TMEM200A: variants seen among roughly 807,000 people sequenced by gnomAD.
TMEM200A encodes transmembrane protein 200A, also known as two transmembrane C.
TMEM200A carries 12 observed loss-of-function variants against 24.3 expected under a neutral mutation model. The ratio of observed to expected loss-of-function variants is 0.49; its 90% CI spans 0.32 to 0.80. The LOEUF (loss-of-function observed/expected upper bound fraction) is 0.80. Ranked by LOEUF, TMEM200A falls within the 30% of genes least tolerant of loss-of-function variation. The pLI is 0.04. For synonymous variants in TMEM200A, 224 were observed against 224.4 expected (o/e 1.00, Z 0.02); for missense variants, 545 against 614.4 (o/e 0.89, Z 1.19).
chr6:130,435,012 A>G (rs753720425), intron 2 of TMEM200A, among the ~76,000 whole-genome samples: 10 of 151,538 alleles, frequency 6.6e-5, no homozygotes, highest in Non-Finnish European at 1.0e-4. Context: ...CTTGATGTCT[A>G]TTGCTTAGCA....
At chr6:130,382,146 G>C (rs1322965083) in intron 1 of TMEM200A, among the ~76,000 whole-genome samples, 1 of 152,124 alleles carries the variant, frequency 6.6e-6, no homozygotes, top group Non-Finnish European at 1.5e-5. Flanking sequence ...GAAACCTTGG[G>C]CAAATTACTT....
At chr6:130,421,907 GTGTATATA>G (rs937785134) in intron 2 of TMEM200A, among the ~76,000 whole-genome samples, 1 of 152,118 alleles carries the variant, frequency 6.6e-6, no homozygotes, top group African/African-American at 2.4e-5. Context: ...GTGTGGGTGT[GTGTATATA>G]TGTATATATA....
intron 2 of TMEM200A, among the ~76,000 whole-genome samples, chr6:130,426,070 C>T (rs908085115): frequency 3.3e-5 from 5 of 152,156 alleles, no homozygotes; most frequent in African/African-American, 1.2e-4. Flanking sequence ...GGACTGCTCT[C>T]CCTTGTCATA....
At chr6:130,379,862 G>A (rs1283509270) in intron 1 of TMEM200A, among the ~76,000 whole-genome samples, 1 of 152,152 alleles carries the variant, frequency 6.6e-6, no homozygotes, top group Non-Finnish European at 1.5e-5. Context: ...ATTGAGAAAA[G>A]AAGGAGGCTT....
Position 130,403,701 on chromosome 6 carries a change from A to G in TMEM200A, c.-17+18465A>G, listed in dbSNP as rs114116445. Among the ~76,000 whole-genome samples, 246 of 152,110 alleles carry G rather than the reference A, an allele frequency of 1.6e-3. 1 individual carries two copies. Among genetic ancestry groups the G allele is most frequent in the African/African-American group, 5.6e-3 (234 of 41,488 alleles). ...AAACTTTTATTTTAAGTTCAGGGGT[A>G]CAAGTGCAGGCTTATTACCTAGATA... is the stretch of plus-strand genomic sequence containing the variant. On this transcript the variant is annotated intron_variant, in intron 2 of 2. Coordinates refer to ENST00000296978, the MANE Select transcript of TMEM200A (RefSeq NM_001258277.2).
At chr6:130,423,373 A>G (rs953117216) in intron 2 of TMEM200A, among the ~76,000 whole-genome samples, 1 of 152,182 alleles carries the variant, frequency 6.6e-6, no homozygotes, top group Admixed American at 6.6e-5. Context: ...TTCACTTAAC[A>G]TATTTACTGA....
At position 130,442,024 on chromosome 6, in the gene TMEM200A, G is replaced by A. The variant is rs1384558551; in HGVS notation, c.*126G>A. ...GGTTTGTAGTGTATTAGAATTGGCT[G>A]CTTAGTTCTGTAATGAAGATGGTTG... On this transcript the variant is annotated 3_prime_UTR_variant, in exon 3 of 3. Transcript: ENST00000296978. The A allele has an allele frequency of 2.1e-6, 2 of 933,774 alleles. No individual in the cohort carries two copies. Among genetic ancestry groups the A allele is most frequent in the Non-Finnish European group, 3.2e-6 (2 of 634,768 alleles). The allele number at this position is 933,774 out of a possible 1,614,324, so 57.8% of individuals were successfully genotyped here. A position where few individuals can be genotyped will look rare whatever the true frequency, so the allele number is the denominator to read the frequency against.
At chr6:130,391,513 G>A (rs1295054371) in intron 2 of TMEM200A, among the ~76,000 whole-genome samples, 3 of 151,788 alleles carry the variant, frequency 2.0e-5, no homozygotes, top group Admixed American at 6.6e-5. Flanking sequence ...TCTCTCTCCC[G>A]CTCTCTCTTA....
Position 130,441,475 on chromosome 6 carries a change from T to A in TMEM200A, c.1053T>A (p.Ile351=). ...CAGTGCTACCAAGGAATAATTCCAT[T>A]GGGGAGTCGTTGTCGAGTCAGTACA... The part of the protein sequence containing the change: ...VSTVLPRNNS[I]GESLSSQYKS... The change falls in exon 3 of 3, where the codon ATT becomes ATA. Residue 351 remains isoleucine (I), a synonymous_variant. Coordinates refer to ENST00000296978, the MANE Select transcript of TMEM200A (RefSeq NM_001258277.2). 1 of 1,614,002 alleles carries A rather than the reference T, an allele frequency of 6.2e-7. No individual in the cohort carries two copies.
At chr6:130,369,428 T>C (rs988425476) in intron 1 of TMEM200A, among the ~76,000 whole-genome samples, 5 of 152,164 alleles carry the variant, frequency 3.3e-5, no homozygotes, top group Non-Finnish European at 7.3e-5. Context: ...TTAGGTGAGG[T>C]TGAATTTCTG....
At chr6:130,372,191 C>T (rs533794072) in intron 1 of TMEM200A, among the ~76,000 whole-genome samples, 2 of 152,154 alleles carry the variant, frequency 1.3e-5, no homozygotes, top group African/African-American at 4.8e-5. Context: ...AGGACAAGGT[C>T]AATATCAAGT....
chr6:130,418,234 C>G (rs1356337575), intron 2 of TMEM200A, among the ~76,000 whole-genome samples: 1 of 152,074 alleles, frequency 6.6e-6, no homozygotes. Flanking sequence ...TATTCATAAT[C>G]AAAACACACC....
Position 130,440,778 on chromosome 6 carries a change from A to G in TMEM200A, c.356A>G (p.His119Arg), listed in dbSNP as rs780462355. The change falls in exon 3 of 3, where the codon CAT becomes CGT. Residue 119 changes from histidine (H) to arginine (R), a missense_variant. Coordinates refer to ENST00000296978, the MANE Select transcript of TMEM200A (RefSeq NM_001258277.2). ...GTGGTGGTTCGCTTCTTTGAGCAGC[A>G]TTTGCATTCTGATAAGATGAAAATG... is the stretch of plus-strand genomic sequence containing the variant. ...GGVVVRFFEQ[H>R]LHSDKMKMLG... 2 of 1,613,930 alleles carry G rather than the reference A, an allele frequency of 1.2e-6. No homozygotes were observed. The highest frequency in any genetic ancestry group is 1.7e-6 in the Non-Finnish European group (2 of 1,179,942).
chr6:130,389,580 GTTAGAATTAATGAGAAATCAT>G (rs1778789492), intron 2 of TMEM200A, among the ~76,000 whole-genome samples: 1 of 151,940 alleles, frequency 6.6e-6, no homozygotes, highest in African/African-American at 2.4e-5. Flanking sequence ...AATATAGCTT[GTTAGAATTAATGAGAAATCAT>G]TAATTTTAGA....
chr6:130,433,838 A>T (rs1015435039), intron 2 of TMEM200A, among the ~76,000 whole-genome samples: 1 of 152,236 alleles, frequency 6.6e-6, no homozygotes, highest in African/African-American at 2.4e-5. Context: ...AAGATGATGA[A>T]AAATCAGAGG....
intron 2 of TMEM200A, among the ~76,000 whole-genome samples, chr6:130,416,628 G>A (rs1267259224): frequency 1.3e-5 from 2 of 152,000 alleles, no homozygotes; most frequent in Non-Finnish European, 2.9e-5. Context: ...CTGCCACCCT[G>A]GTTCAAGCTG....
intron 2 of TMEM200A, among the ~76,000 whole-genome samples, chr6:130,396,279 T>C (rs1778950724): frequency 6.6e-6 from 1 of 152,028 alleles, no homozygotes; most frequent in South Asian, 2.1e-4. Context: ...TGCACTAGTT[T>C]TTTATTTATG....
In TMEM200A at chr6:130,440,473, A is replaced by G. The variant is rs143915412; in HGVS notation, c.51A>G (p.Gln17=). ...VITGLAALKR[Q]DSARSQQHVN... ...CTGGCCTGGCCGCCTTGAAAAGGCAAGACTCTGCCAGATCACAGCAGCATG... is the reference window on the plus strand; with the variant it reads ...CTGGCCTGGCCGCCTTGAAAAGGCAGGACTCTGCCAGATCACAGCAGCATG... Residue 17 remains glutamine, a synonymous_variant, in exon 3 of 3, where the codon CAA becomes CAG. Coordinates refer to ENST00000296978, the MANE Select transcript of TMEM200A (RefSeq NM_001258277.2). 2.7e-4 allele frequency: 442 copies of G among 1,609,600 alleles called. 1 individual carries two copies. The African/African-American group carries it at 4.5e-3, about 16-fold the overall frequency.
chr6:130,393,326 A>G (rs533940124), intron 2 of TMEM200A, among the ~76,000 whole-genome samples: 1 of 152,344 alleles, frequency 6.6e-6, no homozygotes, highest in African/African-American at 2.4e-5. Context: ...CAGAAGAGAA[A>G]AAAAATTAAT....
Sources: allele counts gnomAD v4.1 joint callset (sites outside exome capture counted in the v4.1 genomes callset), GRCh38; gene constraint gnomAD v4.1.1; transcripts MANE v1.5; gene names NCBI Gene and HGNC (gene_info 2026-07-23, HGNC 2026-07-21).